The following ZFHX3 variants were observed in gnomAD, a reference collection of about 807,000 sequenced individuals.
ZFHX3 encodes zinc finger homeobox 3.
In ZFHX3, 42 loss-of-function variants were observed where a neutral mutation model predicts 279.1. The observed-to-expected ratio is 0.15, with a 90% CI of 0.12 to 0.19. The LOEUF is 0.19. ZFHX3 is among the 10% of genes least tolerant of loss of function. The pLI is 1.00. For missense variants in ZFHX3, 4,981 were observed against 4,754.0 expected (o/e 1.05, Z -1.40); for synonymous variants, 2,293 against 1,957.8 (o/e 1.17, Z -4.52).
chr16:73,343,217 A>G (rs887054626), intron 3 of ZFHX3, among the ~76,000 whole-genome samples: 3 of 152,164 alleles, frequency 2.0e-5, no homozygotes, highest in African/African-American at 4.8e-5. Context: ...TATGTTTCAT[A>G]TATATGTGTG....
At chr16:73,755,487 A>G (rs2053800138) in intron 1 of ZFHX3, among the ~76,000 whole-genome samples, 1 of 152,214 alleles carries the variant, frequency 6.6e-6, no homozygotes, top group African/African-American at 2.4e-5. Context: ...GTCATTCTCC[A>G]TGCTACATCT....
intron 4 of ZFHX3, among the ~76,000 whole-genome samples, chr16:73,258,388 C>T (rs1431506609): frequency 1.3e-5 from 2 of 150,864 alleles, no homozygotes; most frequent in Non-Finnish European, 2.9e-5. Context: ...CTCGCTCTGT[C>T]TCCCAGGTTG....
chr16:73,571,239 T>C (rs555800787), intron 2 of ZFHX3, among the ~76,000 whole-genome samples: 12 of 152,056 alleles, frequency 7.9e-5, no homozygotes, highest in African/African-American at 2.9e-4. Flanking sequence ...ATGCATTTTT[T>C]TCCTCATTCG....
At chr16:72,928,654 T>C (rs1034047859) in intron 3 of ZFHX3, among the ~76,000 whole-genome samples, 2 of 152,292 alleles carry the variant, frequency 1.3e-5, no homozygotes, top group Admixed American at 6.5e-5. Context: ...CCCTCACCAG[T>C]AGCACTGTTC....
Position 72,950,873 on chromosome 16 carries a change from T to C in ZFHX3, c.2812A>G (p.Asn938Asp). The change falls in exon 3 of 10, where the codon AAC (asparagine) becomes GAC (aspartate). Residue 938 changes from asparagine (N) to aspartate (D), a missense_variant. Coordinates refer to ENST00000268489, the MANE Select transcript of ZFHX3 (RefSeq NM_006885.4). Reference protein sequence around the residue: ...MNLGESFIQTNDPSLKLFQCA... With the variant: ...MNLGESFIQTDDPSLKLFQCA... The stretch of plus-strand genomic sequence containing the variant: ...TGGAAGAGCTTCAGCGACGGGTCGT[T>C]GGTCTGGATGAAGCTCTCGCCCAGG... 3.1e-6 allele frequency: 5 copies of C among 1,614,066 alleles called. No homozygotes were observed. Among genetic ancestry groups the C allele is most frequent in the Admixed American group, 1.7e-5 (1 of 60,020 alleles).
In ZFHX3 at chr16:73,454,780, T is replaced by G. The variant is rs74028661; in HGVS notation, c.-1291+1223A>C. Among the ~76,000 whole-genome samples, 351 of 152,258 alleles carry G rather than the reference T, an allele frequency of 2.3e-3. 1 individual carries two copies. The highest frequency in any genetic ancestry group is 8.0e-3 in the African/African-American group (333 of 41,552). Reference sequence around the variant, plus strand: ...CACAAAAGCAAAGATATATCTGCTTTGCATAAGTTACATCCTGTCCTTTCA... The same window carrying G: ...CACAAAAGCAAAGATATATCTGCTTGGCATAAGTTACATCCTGTCCTTTCA... On this transcript the variant is annotated intron_variant, in intron 3 of 17. Transcript: ENST00000641206.
At chr16:73,537,206 A>G (rs1284667138) in intron 2 of ZFHX3, among the ~76,000 whole-genome samples, 1 of 152,068 alleles carries the variant, frequency 6.6e-6, no homozygotes, top group Non-Finnish European at 1.5e-5. Context: ...CTGATGGCTC[A>G]GAGTTCAGCA....
intron 2 of ZFHX3, among the ~76,000 whole-genome samples, chr16:73,494,282 T>G (rs2019100493): frequency 6.6e-6 from 1 of 152,160 alleles, no homozygotes; most frequent in Non-Finnish European, 1.5e-5. Context: ...AGCAAATGGC[T>G]GCAGGAAAGA....
At chr16:72,971,562 C>T (rs767961122) in intron 1 of ZFHX3, among the ~76,000 whole-genome samples, 5 of 152,104 alleles carry the variant, frequency 3.3e-5, no homozygotes, top group Non-Finnish European at 5.9e-5. Flanking sequence ...TTACTCATGA[C>T]GTTGTGTCTG....
chr16:73,180,976 T>C (rs1334044216), intron 5 of ZFHX3, among the ~76,000 whole-genome samples: 1 of 152,230 alleles, frequency 6.6e-6, no homozygotes, highest in Middle Eastern at 3.2e-3. Flanking sequence ...TGTGCTTCTT[T>C]AAATGGCATT....
At chr16:73,617,869 T>G (rs1230897281) in intron 2 of ZFHX3, among the ~76,000 whole-genome samples, 1 of 152,216 alleles carries the variant, frequency 6.6e-6, no homozygotes, top group Non-Finnish European at 1.5e-5. Flanking sequence ...GATGCTATCC[T>G]TTCTATTCAT....
At chr16:73,555,458 T>C (rs943438974) in intron 2 of ZFHX3, among the ~76,000 whole-genome samples, 9 of 149,324 alleles carry the variant, frequency 6.0e-5, no homozygotes, top group Non-Finnish European at 1.2e-4. Flanking sequence ...CCGGCCGCCA[T>C]GTTTGTATTT....
intron 2 of ZFHX3, among the ~76,000 whole-genome samples, chr16:73,472,283 A>C (rs1040776303): frequency 1.3e-5 from 2 of 151,784 alleles, no homozygotes; most frequent in East Asian, 1.9e-4. Context: ...AAAAAAAAAA[A>C]AAAACAGCAT....
At chr16:73,055,992 T>C (rs1965548593) in intron 1 of ZFHX3, among the ~76,000 whole-genome samples, 1 of 152,146 alleles carries the variant, frequency 6.6e-6, no homozygotes, top group Non-Finnish European at 1.5e-5. Context: ...GAAAGAGCAT[T>C]TGCAAATATT....
intron 6 of ZFHX3, among the ~76,000 whole-genome samples, chr16:73,134,115 A>G (rs1009085383): frequency 1.2e-4 from 18 of 152,156 alleles, no homozygotes; most frequent in African/African-American, 3.9e-4. Context: ...AAGCTGAGGC[A>G]CAAAAGGGTT....
chr16:73,870,270 A>G (rs1446015898), intron 1 of ZFHX3, among the ~76,000 whole-genome samples: 1 of 152,204 alleles, frequency 6.6e-6, no homozygotes. Context: ...GCATTAGACA[A>G]GCCATCCAAG....
intron 2 of ZFHX3, among the ~76,000 whole-genome samples, chr16:73,641,754 G>T (rs2052574992): frequency 6.6e-6 from 1 of 152,104 alleles, no homozygotes; most frequent in Non-Finnish European, 1.5e-5. Flanking sequence ...CTCCTTTGGG[G>T]AATAGGATTG....
chr16:73,705,521 TG>T (rs1195430752), intron 1 of ZFHX3, among the ~76,000 whole-genome samples: 1 of 152,198 alleles, frequency 6.6e-6, no homozygotes, highest in Non-Finnish European at 1.5e-5. Flanking sequence ...AATTCCTGAG[TG>T]GCCATATTTC....
At chr16:73,171,313 T>C (rs1967517083) in intron 5 of ZFHX3, among the ~76,000 whole-genome samples, 1 of 152,016 alleles carries the variant, frequency 6.6e-6, no homozygotes, top group Non-Finnish European at 1.5e-5. Flanking sequence ...TCCGGGGAAA[T>C]GCCGAGGTAT....
Sources: allele counts gnomAD v4.1 joint callset (sites outside exome capture counted in the v4.1 genomes callset), GRCh38; gene constraint gnomAD v4.1.1; transcripts MANE v1.5; gene names NCBI Gene and HGNC (gene_info 2026-07-23, HGNC 2026-07-21).